Variants in SLC8A1 observed in about 807,000 individuals in gnomAD.
SLC8A1 encodes the protein sodium/calcium exchanger 1.
SLC8A1 carries 18 observed loss-of-function variants against 68.3 expected under a neutral mutation model. The ratio of observed to expected loss-of-function variants is 0.26; its 90% CI spans 0.18 to 0.39. The LOEUF is 0.39. Ranked by LOEUF, SLC8A1 falls within the 10% of genes least tolerant of loss-of-function variation. The probability of loss-of-function intolerance (pLI) is 1.00; values close to 1 mark genes in which losing one functional copy is unlikely to be tolerated. For synonymous variants in SLC8A1, 475 were observed against 415.5 expected, an observed-to-expected ratio of 1.14 and a Z score of -1.74; for missense variants, 985 against 1,156.7, an observed-to-expected ratio of 0.85 and a Z score of 2.15.
chr2:40,402,965 C>T (rs756039884), intron 2 of SLC8A1, among the ~76,000 whole-genome samples: 2 of 152,258 alleles, frequency 1.3e-5, no homozygotes, highest in East Asian at 1.9e-4. Flanking sequence ...CCACAGTTAA[C>T]GAAAATTAAA....
chr2:40,305,419 A>T (rs185118713), intron 2 of SLC8A1, among the ~76,000 whole-genome samples: 3 of 152,346 alleles, frequency 2.0e-5, no homozygotes. Flanking sequence ...TTTGACAATC[A>T]AAAGTGTCTC....
chr2:40,198,874 C>G (rs1199421673), intron 2 of SLC8A1, among the ~76,000 whole-genome samples: 3 of 149,932 alleles, frequency 2.0e-5, no homozygotes, highest in Non-Finnish European at 4.4e-5. Flanking sequence ...GAAGGGTTGG[C>G]TTGGTGATCA....
intron 2 of SLC8A1, among the ~76,000 whole-genome samples, chr2:40,402,287 A>T (rs1296816163): frequency 1.3e-5 from 2 of 152,222 alleles, no homozygotes; most frequent in Admixed American, 6.5e-5. Context: ...CAGGAAGTTA[A>T]CATGTATGGT....
intron 2 of SLC8A1, among the ~76,000 whole-genome samples, chr2:40,180,009 TA>T (rs1218117572): frequency 1.3e-5 from 2 of 152,136 alleles, no homozygotes; most frequent in Non-Finnish European, 2.9e-5. Flanking sequence ...TTCTCACTCC[TA>T]AAAAGCTGCA....
At chr2:40,396,670 G>C (rs1010835124) in intron 2 of SLC8A1, among the ~76,000 whole-genome samples, 1 of 124,516 alleles carries the variant, frequency 8.0e-6, no homozygotes, top group African/African-American at 3.2e-5. Context: ...TCTTTAAAAA[G>C]AAAAAAAGAT....
chr2:40,305,374 C>T lies in SLC8A1; in HGVS notation c.1808+123099G>A, dbSNP rs868281495. On this transcript the variant is annotated intron_variant, in intron 2 of 7. Transcript: ENST00000406785. ...TAGGTTATTTAGCAGCATCCCTAAC[C>T]TCTACCCACTAGGTATCAATAGCAT... is the stretch of plus-strand genomic sequence containing the variant. 2.6e-5 allele frequency among the ~76,000 whole-genome samples: 4 copies of T among 152,206 alleles called. No individual in the cohort carries two copies. In the South Asian group the frequency reaches 8.3e-4, roughly 32 times the overall value.
chr2:40,382,579 G>C (rs188312243), intron 2 of SLC8A1, among the ~76,000 whole-genome samples: 33 of 152,136 alleles, frequency 2.2e-4, no homozygotes, highest in African/African-American at 7.2e-4. Flanking sequence ...TCTTTTGACT[G>C]CCTGATTTGA....
chr2:40,169,392 C>T (rs1472711085), intron 4 of SLC8A1, among the ~76,000 whole-genome samples: 1 of 152,152 alleles, frequency 6.6e-6, no homozygotes, highest in African/African-American at 2.4e-5. Context: ...CAATTTTTAG[C>T]ATGTGGCTGG....
At chr2:40,422,422 C>T (rs561987668) in intron 2 of SLC8A1, among the ~76,000 whole-genome samples, 6 of 152,286 alleles carry the variant, frequency 3.9e-5, no homozygotes, top group Admixed American at 6.5e-5. Flanking sequence ...AGCAAAATAA[C>T]AGCAAATAAC....
intron 2 of SLC8A1, among the ~76,000 whole-genome samples, chr2:40,211,743 G>T (rs898418987): frequency 6.6e-6 from 1 of 152,138 alleles, no homozygotes; most frequent in African/African-American, 2.4e-5. Context: ...CATCCTTAAG[G>T]GGCTGGATTC....
intron 2 of SLC8A1, among the ~76,000 whole-genome samples, chr2:40,330,584 G>GAC (rs3060353): frequency 2.0e-5 from 3 of 151,858 alleles, no homozygotes; most frequent in African/African-American, 4.8e-5. Context: ...TCCAAGCAGG[G>GAC]ACACACACAC....
At position 40,247,647 on chromosome 2, in the gene SLC8A1, ACT is replaced by A. The variant is rs201256204; in HGVS notation, c.1809-69794_1809-69793del. Among the ~76,000 whole-genome samples, 1,102 of 152,272 alleles carry A rather than the reference ACT, an allele frequency of 7.2e-3. 13 individuals are homozygous for A. The highest frequency in any genetic ancestry group is 0.025 in the African/African-American group (1,022 of 41,550). On this transcript the variant is annotated intron_variant, in intron 2 of 7. Coordinates refer to ENST00000406785, the Ensembl canonical transcript of SLC8A1. The stretch of plus-strand genomic sequence containing the variant: ...AACATTTTAATCACTGCAGTTTATA[ACT>A]CTATTTTAAATTTTTTGTTAATACA...
intron 2 of SLC8A1, among the ~76,000 whole-genome samples, chr2:40,229,019 T>C (rs1471944474): frequency 1.3e-5 from 2 of 152,198 alleles, no homozygotes; most frequent in African/African-American, 2.4e-5. Context: ...AATTTCATAA[T>C]GGTTTACATG....
intron 2 of SLC8A1, among the ~76,000 whole-genome samples, chr2:40,302,501 ATGTG>A (rs1226294857): frequency 6.7e-6 from 1 of 149,826 alleles, no homozygotes; most frequent in Admixed American, 6.7e-5. Flanking sequence ...TATATCATAT[ATGTG>A]TGTGTATACA....
chr2:40,134,639 C>A (rs1014928668), intron 7 of SLC8A1, among the ~76,000 whole-genome samples: 2 of 152,192 alleles, frequency 1.3e-5, no homozygotes, highest in Non-Finnish European at 2.9e-5. Flanking sequence ...TAAAAATCAT[C>A]TACTTACCTC....
chr2:40,480,560 G>C lies in SLC8A1; in HGVS notation c.-25+31789C>G, dbSNP rs539203405. Reference sequence around the variant, plus strand: ...GTTTTGATTGTTGATAAGGCAGCCAGTTTATGGGATTTTTGTTATAACATC... The same window carrying C: ...GTTTTGATTGTTGATAAGGCAGCCACTTTATGGGATTTTTGTTATAACATC... On this transcript the variant is annotated intron_variant, in intron 1 of 7. Transcript: ENST00000402441. Among the ~76,000 whole-genome samples the C allele has an allele frequency of 6.8e-4, 104 of 152,338 alleles. 3 individuals are homozygous for C. In the Middle Eastern group the frequency reaches 0.01, roughly 15 times the overall value.
chr2:40,279,189 C>G (rs1376794415), intron 2 of SLC8A1, among the ~76,000 whole-genome samples: 2 of 152,222 alleles, frequency 1.3e-5, no homozygotes, highest in Non-Finnish European at 2.9e-5. Flanking sequence ...AGGAGCCGAT[C>G]TGATCCTCCT....
intron 2 of SLC8A1, among the ~76,000 whole-genome samples, chr2:40,368,422 T>C (rs1676939589): frequency 6.6e-6 from 1 of 152,080 alleles, no homozygotes; most frequent in Non-Finnish European, 1.5e-5. Context: ...TAGTTTCTTC[T>C]GAACCCCTAA....
At chr2:40,264,873 T>C (rs1308866435) in intron 2 of SLC8A1, among the ~76,000 whole-genome samples, 2 of 152,206 alleles carry the variant, frequency 1.3e-5, no homozygotes, top group African/African-American at 4.8e-5. Context: ...ACACATGTCA[T>C]TAATGACCAT....
Sources: gnomAD v4.1 joint callset for allele counts (sites outside exome capture counted in the v4.1 genomes callset) on GRCh38, gnomAD v4.1.1 for gene constraint, MANE v1.5 for transcripts, NCBI Gene and HGNC (gene_info 2026-07-23, HGNC 2026-07-21) for gene names.